The following ADAM32 variants were observed in gnomAD, a reference collection of about 807,000 sequenced individuals.
ADAM32 encodes disintegrin and metalloproteinase domain-containing protein 32.
Under a neutral mutation model 114.9 loss-of-function variants are expected in ADAM32, and 89 were observed. The observed-to-expected ratio is 0.77, with a 90% CI of 0.65 to 0.92. The LOEUF is 0.92. ADAM32 is among the 40% of genes least tolerant of loss of function. The pLI, the probability that ADAM32 is intolerant of heterozygous loss-of-function variation, is 0.00. For synonymous variants in ADAM32, 285 were observed against 307.5 expected, an observed-to-expected ratio of 0.93 and a Z score of 0.77; for missense variants, 870 against 932.8, an observed-to-expected ratio of 0.93 and a Z score of 0.88.
chr8:39,235,978 T>C (rs1810110203), intron 16 of ADAM32, among the ~76,000 whole-genome samples: 1 of 152,230 alleles, frequency 6.6e-6, no homozygotes, highest in Admixed American at 6.5e-5. Context: ...AAACAAGCTC[T>C]AATGTTACTT....
intron 17 of ADAM32, among the ~76,000 whole-genome samples, chr8:39,249,968 A>C (rs1427598352): frequency 6.6e-6 from 1 of 151,962 alleles, no homozygotes; most frequent in Non-Finnish European, 1.5e-5. Context: ...GCCTCTATAG[A>C]TATGGTATTT....
intron 16 of ADAM32, among the ~76,000 whole-genome samples, chr8:39,236,274 A>C (rs1249266791): frequency 6.6e-6 from 1 of 152,180 alleles, no homozygotes. Flanking sequence ...ATATGCCATT[A>C]TTATATGGAG....
At chr8:39,141,395 G>C (rs1803144999) in intron 3 of ADAM32, among the ~76,000 whole-genome samples, 1 of 152,122 alleles carries the variant, frequency 6.6e-6, no homozygotes, top group South Asian at 2.1e-4. Flanking sequence ...TTGTGTCTTT[G>C]TTCTCATTGG....
At chr8:39,138,984 G>A (rs1445649710) in intron 3 of ADAM32, among the ~76,000 whole-genome samples, 6 of 152,146 alleles carry the variant, frequency 3.9e-5, no homozygotes, top group Non-Finnish European at 7.4e-5. Context: ...TTTGAGAATT[G>A]TCTGTTCATA....
intron 3 of ADAM32, among the ~76,000 whole-genome samples, chr8:39,142,639 T>C (rs1803235983): frequency 6.6e-6 from 1 of 152,200 alleles, no homozygotes; most frequent in South Asian, 2.1e-4. Context: ...CTTAACATTT[T>C]TTCCTTCATT....
intron 18 of ADAM32, among the ~76,000 whole-genome samples, chr8:39,256,622 T>G (rs549248140): frequency 1.3e-5 from 2 of 152,176 alleles, no homozygotes; most frequent in South Asian, 4.1e-4. Context: ...AATGAAGTTC[T>G]TCTCCTCATG....
chr8:39,283,544 G>T (rs776826829), intron 23 of ADAM32, 42 bp from the exon 24 acceptor site: 2 of 1,482,128 alleles, frequency 1.3e-6, no homozygotes, highest in Admixed American at 1.8e-5. Flanking sequence ...TTGACAGGTT[G>T]TATTATATCA....
intron 10 of ADAM32, among the ~76,000 whole-genome samples, chr8:39,180,307 C>T (rs981325412): frequency 2.0e-5 from 3 of 152,334 alleles, no homozygotes; most frequent in South Asian, 4.1e-4. Flanking sequence ...TGCCAGCCCA[C>T]GGGTGCTGTG....
intron 6 of ADAM32, among the ~76,000 whole-genome samples, chr8:39,156,857 A>C (rs996870022): frequency 3.9e-5 from 6 of 152,236 alleles, no homozygotes; most frequent in African/African-American, 1.2e-4. Context: ...TTTTCAATCT[A>C]ATTACCTCTT....
chr8:39,128,635 T>C (rs796373464), intron 2 of ADAM32, among the ~76,000 whole-genome samples: 1 of 152,142 alleles, frequency 6.6e-6, no homozygotes, highest in South Asian at 2.1e-4. Flanking sequence ...ACTTCAGTGT[T>C]TTTGTAGTGG....
intron 5 of ADAM32, 81 bp downstream of exon 5, chr8:39,149,948 G>A (rs1803722588): frequency 1.8e-6 from 2 of 1,136,534 alleles, no homozygotes; most frequent in African/African-American, 1.6e-5. Flanking sequence ...TATTAAGTGT[G>A]GGGTTGAAGG....
intron 15 of ADAM32, among the ~76,000 whole-genome samples, chr8:39,233,096 C>T (rs539513215): frequency 6.6e-6 from 1 of 152,132 alleles, no homozygotes; most frequent in Non-Finnish European, 1.5e-5. Context: ...TGAATACGGA[C>T]CCCAAGAGAG....
Position 39,131,795 on chromosome 8 carries a change from A to G in ADAM32, c.139-4862A>G, listed in dbSNP as rs1033080759. On this transcript the variant is annotated intron_variant, in intron 2 of 24. Coordinates refer to ENST00000379907, the MANE Select transcript of ADAM32 (RefSeq NM_145004.7). ...ATTAGTATAACTTCTCTTTATGGTT[A>G]CTATTTACAATATATATATTTCCAT... Among the ~76,000 whole-genome samples the G allele has an allele frequency of 1.1e-4, 17 of 152,214 alleles. 1 individual carries two copies. Among genetic ancestry groups the G allele is most frequent in the Admixed American group, 2.6e-4 (4 of 15,288 alleles).
intron 9 of ADAM32, 136 bp from the exon 10 acceptor site, chr8:39,169,779 GA>G (rs1268910823): frequency 7.3e-6 from 4 of 544,760 alleles, no homozygotes; most frequent in Non-Finnish European, 1.3e-5. Context: ...TGAAACAATT[GA>G]GGACATATGG....
intron 6 of ADAM32, among the ~76,000 whole-genome samples, chr8:39,152,987 G>C (rs1585410500): frequency 1.3e-5 from 2 of 152,168 alleles, no homozygotes; most frequent in East Asian, 3.9e-4. Flanking sequence ...TGGTCCACAA[G>C]GATGAGGCTG....
At chr8:39,247,022 T>C (rs889224662) in intron 17 of ADAM32, among the ~76,000 whole-genome samples, 3 of 152,218 alleles carry the variant, frequency 2.0e-5, no homozygotes, top group Non-Finnish European at 2.9e-5. Flanking sequence ...TGTTTTTCTA[T>C]GGCTTGATAG....
At chr8:39,238,296 C>T (rs79117009) in intron 16 of ADAM32, among the ~76,000 whole-genome samples, 4,177 of 152,308 alleles carry the variant, frequency 0.027, 85 homozygotes, top group Non-Finnish European at 0.04. Flanking sequence ...AGTCCAGTAG[C>T]TCCACTGCGT....
chr8:39,193,501 ATTTC>A, intron 11 of ADAM32, among the ~76,000 whole-genome samples: 1 of 152,058 alleles, frequency 6.6e-6, no homozygotes, highest in Non-Finnish European at 1.5e-5. Context: ...TGTTTCTGTC[ATTTC>A]AGCCATCTCA....
At chr8:39,261,712 A>AT (rs368959692) in intron 19 of ADAM32, among the ~76,000 whole-genome samples, 76 of 150,256 alleles carry the variant, frequency 5.1e-4, no homozygotes, top group South Asian at 1.7e-3. Flanking sequence ...AGCATTTGTT[A>AT]TTTTTTTTTG....
Sources: gnomAD v4.1 joint callset for allele counts (sites outside exome capture counted in the v4.1 genomes callset) on GRCh38, gnomAD v4.1.1 for gene constraint, MANE v1.5 for transcripts, NCBI Gene and HGNC (gene_info 2026-07-23, HGNC 2026-07-21) for gene names.